Variants in KCTD1 observed in about 807,000 individuals in gnomAD.
KCTD1 encodes potassium channel tetramerization domain containing 1.
In KCTD1, 24 loss-of-function variants were observed where a neutral mutation model predicts 66.0. The ratio of observed to expected loss-of-function variants is 0.36; its 90% CI spans 0.26 to 0.51. KCTD1 has a LOEUF of 0.51. Among genes scored for constraint, KCTD1 ranks in the 20% least tolerant of loss-of-function variants. The pLI is 0.95. For missense variants in KCTD1, 943 were observed against 1,205.2 expected, an observed-to-expected ratio of 0.78 and a Z score of 3.22; for synonymous variants, 511 against 517.2, an observed-to-expected ratio of 0.99 and a Z score of 0.16.
intron 1 of KCTD1, among the ~76,000 whole-genome samples, chr18:26,608,593 A>T (rs1209441221): frequency 6.6e-6 from 1 of 151,926 alleles, no homozygotes; most frequent in East Asian, 1.9e-4. Context: ...GGCTGCTCCC[A>T]CCCTCTGCAC....
intron 1 of KCTD1, among the ~76,000 whole-genome samples, chr18:26,527,731 G>A (rs951376367): frequency 3.3e-5 from 5 of 152,108 alleles, no homozygotes; most frequent in Non-Finnish European, 1.5e-5. Context: ...TCAATCTTGT[G>A]GTAAATTGTG....
chr18:26,490,372 A>G (rs1163780769), intron 2 of KCTD1, among the ~76,000 whole-genome samples: 1 of 152,180 alleles, frequency 6.6e-6, no homozygotes, highest in Admixed American at 6.5e-5. Flanking sequence ...ATTAGGGAAA[A>G]GCTATCAATT....
At chr18:26,455,934 G>T (rs780941958) in intron 4 of KCTD1, 33 bp from the exon 5 acceptor site, 1 of 1,603,908 alleles carries the variant, frequency 6.2e-7, no homozygotes, top group Non-Finnish European at 8.5e-7. Context: ...TCCAGTTAGG[G>T]GTGAGGTAAG....
At chr18:26,600,457 G>A in intron 1 of KCTD1, 2 of 668,660 alleles carry the variant, frequency 3.0e-6, no homozygotes, top group Non-Finnish European at 2.7e-6. Flanking sequence ...TCTATTTGCA[G>A]AGTGGGTGCT....
chr18:26,605,313 G>A (rs1473660417), intron 1 of KCTD1, among the ~76,000 whole-genome samples: 4 of 152,034 alleles, frequency 2.6e-5, no homozygotes, highest in African/African-American at 2.4e-5. Context: ...CCACACATTC[G>A]ACCTGGCAAT....
rs1343166791 is a variant in KCTD1 at position 26,476,642 on chromosome 18, T to C, written c.2006A>G (p.Asp669Gly). The change falls in exon 3 of 5, where the codon GAT becomes GGT. Residue 669 changes from aspartate (D) to glycine (G), a missense_variant. Asp to Gly is a moderately conservative substitution (Grantham distance 94). Transcript: ENST00000580059. This position sits in a 1 kb window ranked among gnomAD's most constrained non-coding sequence, Gnocchi z 4.9. ...YPESRIGRLF[D>G]GTEPIVLDSL... ...GTCCAAAACAATGGGCTCTGTACCA[T>C]CAAAAAGTCTTCCGATTCTGTGATA... The C allele has an allele frequency of 1.2e-6, 2 of 1,609,962 alleles. No homozygotes were observed. Among genetic ancestry groups the C allele is most frequent in the East Asian group, 2.2e-5 (1 of 44,686 alleles).
intron 4 of KCTD1, 92 bp from the exon 5 acceptor site, chr18:26,455,993 G>T (rs1431757936): frequency 3.3e-6 from 4 of 1,223,196 alleles, no homozygotes; most frequent in Non-Finnish European, 4.6e-6. Flanking sequence ...GCGCACTCTG[G>T]TTCATCTCAT....
chr18:26,527,714 C>T (rs947485629), intron 1 of KCTD1, among the ~76,000 whole-genome samples: 1 of 152,110 alleles, frequency 6.6e-6, no homozygotes, highest in African/African-American at 2.4e-5. Flanking sequence ...CACGCTGTTT[C>T]TAGATGTCAA....
intron 4 of KCTD1, chr18:26,459,392 G>A (rs1016625294): frequency 4.1e-5 from 20 of 491,952 alleles, no homozygotes; most frequent in Non-Finnish European, 4.6e-5. Context: ...CCCAGCTGTC[G>A]TGTTCTATAT....
chr18:26,592,011 T>G (rs1463470752), intron 1 of KCTD1, among the ~76,000 whole-genome samples: 1 of 152,226 alleles, frequency 6.6e-6, no homozygotes, highest in Non-Finnish European at 1.5e-5. Flanking sequence ...CACTGTCTAG[T>G]TACTGTGTAA....
chr18:26,456,185 G>A, intron 4 of KCTD1: 1 of 293,086 alleles, frequency 3.4e-6, no homozygotes, highest in Admixed American at 5.0e-5. Context: ...GAGGTTCATG[G>A]CTAGTCAGTG....
In KCTD1 at chr18:26,537,775, G is replaced by A. The variant is rs575014455; in HGVS notation, c.1809+8953C>T. On this transcript the variant is annotated intron_variant, in intron 1 of 4. Transcript: ENST00000580059. ...CCTTCATAATATTTTAGGAATCCTA[G>A]TATAATGACCACTCCCTTCATCTCA... Among the ~76,000 whole-genome samples, 10 of 152,282 alleles carry A rather than the reference G, an allele frequency of 6.6e-5. No individual in the cohort carries two copies. In the South Asian group the frequency reaches 2.1e-3, roughly 32 times the overall value.
At chr18:26,655,516 C>T (rs935598804) in intron 1 of KCTD1, among the ~76,000 whole-genome samples, 1 of 152,176 alleles carries the variant, frequency 6.6e-6, no homozygotes, top group East Asian at 1.9e-4. Flanking sequence ...GTTCTATTAT[C>T]TAAAAGGTAA....
At chr18:26,584,685 G>T (rs929622644) in intron 1 of KCTD1, among the ~76,000 whole-genome samples, 1 of 152,168 alleles carries the variant, frequency 6.6e-6, no homozygotes, top group Non-Finnish European at 1.5e-5. Flanking sequence ...GCTGAGACAG[G>T]TATTCACAGG....
intron 1 of KCTD1, among the ~76,000 whole-genome samples, chr18:26,603,158 A>G (rs1628335): frequency 0.56 from 84,741 of 151,916 alleles, 23,812 homozygotes; most frequent in African/African-American, 0.64. Context: ...GGCCAGGCCC[A>G]GTGGCTCACA....
intron 1 of KCTD1, chr18:26,544,723 G>A (rs1336298808): frequency 6.6e-6 from 1 of 152,172 alleles, no homozygotes; most frequent in Non-Finnish European, 1.5e-5. Context: ...TACAAAGAAG[G>A]AAAAAGTTTG....
chr18:26,507,937 A>T (rs1025093370), intron 1 of KCTD1, among the ~76,000 whole-genome samples: 1 of 152,188 alleles, frequency 6.6e-6, no homozygotes, highest in African/African-American at 2.4e-5. Flanking sequence ...ATACATACGC[A>T]CATGGAAGAT....
chr18:26,653,337 T>A (rs977362977), intron 1 of KCTD1, among the ~76,000 whole-genome samples: 2 of 152,178 alleles, frequency 1.3e-5, no homozygotes, highest in Non-Finnish European at 2.9e-5. Flanking sequence ...CCTTCTTTTT[T>A]CTCCCTGGAA....
At chr18:26,615,232 T>C (rs1987224244) in intron 1 of KCTD1, among the ~76,000 whole-genome samples, 2 of 152,294 alleles carry the variant, frequency 1.3e-5, no homozygotes, top group Admixed American at 6.5e-5. Context: ...GCAGACTGAA[T>C]GACTGGTTCT....
Sources: allele counts gnomAD v4.1 joint callset (sites outside exome capture counted in the v4.1 genomes callset), GRCh38; gene constraint gnomAD v4.1.1; non-coding constraint Gnocchi (gnomAD v3.1); transcripts MANE v1.5; gene names NCBI Gene and HGNC (gene_info 2026-07-23, HGNC 2026-07-21).